The following GABRB3 variants were observed in gnomAD, a reference collection of about 807,000 sequenced individuals.
The protein encoded by GABRB3 is gamma-aminobutyric acid receptor subunit beta-3.
A neutral mutation model predicts 52.1 loss-of-function variants in GABRB3; 14 were observed. That is an observed-to-expected ratio of 0.27 (90% CI 0.18 to 0.42). GABRB3 has a LOEUF of 0.42. Ranked by LOEUF, GABRB3 falls within the 10% of genes least tolerant of loss-of-function variation. GABRB3 has a pLI of 1.00. For synonymous variants in GABRB3, 260 were observed against 232.3 expected, an observed-to-expected ratio of 1.12 and a Z score of -1.08; for missense variants, 307 against 609.1, an observed-to-expected ratio of 0.50 and a Z score of 5.22.
intron 8 of GABRB3, among the ~76,000 whole-genome samples, chr15:26,555,029 T>C (rs1484026428): frequency 6.6e-6 from 1 of 151,658 alleles, no homozygotes; most frequent in African/African-American, 2.4e-5. Flanking sequence ...AATATATATA[T>C]ATAAATTAGC....
At chr15:26,752,795 C>T (rs1424144210) in intron 3 of GABRB3, among the ~76,000 whole-genome samples, 1 of 152,082 alleles carries the variant, frequency 6.6e-6, no homozygotes, top group African/African-American at 2.4e-5. Context: ...ACAGTTGGCA[C>T]GCTGTACAGT....
In GABRB3 at chr15:26,589,313, T is replaced by G. The variant is rs565567279; in HGVS notation, c.462-5899A>C. On this transcript the variant is annotated intron_variant, in intron 4 of 8. Transcript: ENST00000311550. Reference sequence around the variant, plus strand: ...GGGACTTGCTCACTTCTGCAAACATTTGTCTGAAACATCTACCTGTTGACT... The same window carrying G: ...GGGACTTGCTCACTTCTGCAAACATGTGTCTGAAACATCTACCTGTTGACT... Among the ~76,000 whole-genome samples the G allele has an allele frequency of 5.9e-5, 9 of 152,316 alleles. No homozygotes were observed. The East Asian group carries it at 1.5e-3, about 26-fold the overall frequency.
rs914781304 is a variant in GABRB3, at chr15:26,583,623, A to C, written c.462-209T>G. On this transcript the variant is annotated intron_variant, in intron 4 of 8. Transcript: ENST00000311550. ...ACCAGATTTATCAAGGAAAAAAAAA[A>C]CACAAAACTTTATTTTATTATATAT... Among the ~76,000 whole-genome samples, 21 of 151,866 alleles carry C rather than the reference A, an allele frequency of 1.4e-4. 1 individual carries two copies. Among genetic ancestry groups the C allele is most frequent in the Non-Finnish European group, 2.1e-4 (14 of 67,992 alleles).
At chr15:26,638,947 C>CA (rs1640643777) in intron 3 of GABRB3, among the ~76,000 whole-genome samples, 1 of 152,162 alleles carries the variant, frequency 6.6e-6, no homozygotes, top group Admixed American at 6.5e-5. Context: ...TGCAAGAACA[C>CA]AGTCTTCCAC....
chr15:26,640,150 G>A (rs964042176), intron 3 of GABRB3, among the ~76,000 whole-genome samples: 3 of 152,308 alleles, frequency 2.0e-5, no homozygotes, highest in East Asian at 1.9e-4. Flanking sequence ...TTATGACAGA[G>A]GTATGGACCA....
intron 8 of GABRB3, among the ~76,000 whole-genome samples, chr15:26,552,253 C>G (rs897267423): frequency 2.6e-5 from 4 of 152,066 alleles, no homozygotes; most frequent in Admixed American, 1.3e-4. Flanking sequence ...GTGATCCTCC[C>G]GCCTCGGCCT....
chr15:26,558,458 A>G (rs929230861), intron 8 of GABRB3, among the ~76,000 whole-genome samples: 1 of 152,194 alleles, frequency 6.6e-6, no homozygotes, highest in African/African-American at 2.4e-5. Context: ...AGGATAGAGC[A>G]AGAAAACCTC....
At chr15:26,563,851 T>C (rs949341621) in intron 7 of GABRB3, among the ~76,000 whole-genome samples, 6 of 144,646 alleles carry the variant, frequency 4.1e-5, no homozygotes, top group African/African-American at 1.5e-4. Context: ...CCTCAACTTA[T>C]TTGTCATTTA....
At chr15:26,611,834 T>C (rs1242197532) in intron 4 of GABRB3, 1 of 152,206 alleles carries the variant, frequency 6.6e-6, no homozygotes, top group Non-Finnish European at 1.5e-5. Flanking sequence ...TGAAAGTAAA[T>C]AAGAAATATT....
At chr15:26,661,015 G>T (rs1167780191) in intron 3 of GABRB3, among the ~76,000 whole-genome samples, 1 of 152,044 alleles carries the variant, frequency 6.6e-6, no homozygotes, top group African/African-American at 2.4e-5. Flanking sequence ...TGAACTCCTG[G>T]ACTCAAGTGA....
intron 3 of GABRB3, among the ~76,000 whole-genome samples, chr15:26,738,244 G>C (rs1013293217): frequency 1.3e-5 from 2 of 152,000 alleles, no homozygotes; most frequent in African/African-American, 4.8e-5. Flanking sequence ...CACCATGCCT[G>C]GCTAATATTT....
At chr15:26,642,570 G>T in intron 3 of GABRB3, 1 of 1,109,772 alleles carries the variant, frequency 9.0e-7, no homozygotes, top group Non-Finnish European at 1.2e-6. Context: ...TTGAATTACT[G>T]TTCTCATGCT....
chr15:26,721,380 A>T (rs1889639935), intron 3 of GABRB3, among the ~76,000 whole-genome samples: 1 of 151,946 alleles, frequency 6.6e-6, no homozygotes, highest in African/African-American at 2.4e-5. Context: ...GAGGACTCTA[A>T]ATCACTCATC....
intron 3 of GABRB3, among the ~76,000 whole-genome samples, chr15:26,767,651 T>A (rs946063787): frequency 2.6e-5 from 4 of 152,102 alleles, no homozygotes; most frequent in Admixed American, 6.5e-5. Flanking sequence ...GGGATTCAGC[T>A]CCTCCTGCCT....
chr15:26,726,777 C>G (rs983370813), intron 3 of GABRB3, among the ~76,000 whole-genome samples: 1 of 152,166 alleles, frequency 6.6e-6, no homozygotes, highest in African/African-American at 2.4e-5. Context: ...GGTTTCTACA[C>G]TGTAAAGTCA....
chr15:26,644,306 C>T (rs1893291253), intron 3 of GABRB3, among the ~76,000 whole-genome samples: 1 of 152,110 alleles, frequency 6.6e-6, no homozygotes, highest in Non-Finnish European at 1.5e-5. Flanking sequence ...AGAATGTGAC[C>T]TTATTTGGAG....
intron 4 of GABRB3, among the ~76,000 whole-genome samples, chr15:26,606,542 CATT>C (rs1891799383): frequency 6.6e-6 from 1 of 152,070 alleles, no homozygotes; most frequent in Admixed American, 6.6e-5. Flanking sequence ...CCATAGTTAA[CATT>C]ATACTCAATG....
At chr15:26,566,827 T>G (rs1035093010) in intron 7 of GABRB3, among the ~76,000 whole-genome samples, 1 of 152,184 alleles carries the variant, frequency 6.6e-6, no homozygotes, top group East Asian at 1.9e-4. Flanking sequence ...ATAATTCTTT[T>G]CCATCAATTT....
rs933743428 is a variant in GABRB3, at chr15:26,619,013, A to T, written c.461+2301T>A. Among the ~76,000 whole-genome samples the T allele has an allele frequency of 1.2e-4, 17 of 146,666 alleles. 1 individual carries two copies. The highest frequency in any genetic ancestry group is 4.3e-4 in the African/African-American group (17 of 39,820). ...GAATGGCAATCATTCAAAAGTCAGG[A>T]AACAACAGGTGCTGGAGAGGATGTG... On this transcript the variant is annotated intron_variant, in intron 4 of 8. Transcript: ENST00000311550.
Sources: gnomAD v4.1 joint callset for allele counts (sites outside exome capture counted in the v4.1 genomes callset) on GRCh38, gnomAD v4.1.1 for gene constraint, MANE v1.5 for transcripts, NCBI Gene and HGNC (gene_info 2026-07-23, HGNC 2026-07-21) for gene names.